The following GNAS variants were observed in gnomAD, a reference collection of about 807,000 sequenced individuals.
The protein encoded by GNAS is protein ALEX.
A neutral mutation model predicts 54.5 loss-of-function variants in GNAS; 8 were observed. The observed-to-expected ratio is 0.15, with a 90% CI of 0.09 to 0.26. GNAS has a LOEUF of 0.26. Among genes scored for constraint, GNAS ranks in the 10% least tolerant of loss-of-function variants. The pLI is 1.00. For synonymous variants in GNAS, 204 were observed against 191.4 expected (o/e 1.07, Z -0.54); for missense variants, 170 against 529.8 (o/e 0.32, Z 6.67).
At chr20:58,883,453 T>C (rs974263807) in intron 1 of GNAS, among the ~76,000 whole-genome samples, 1 of 152,096 alleles carries the variant, frequency 6.6e-6, no homozygotes, top group Non-Finnish European at 1.5e-5. Context: ...TGGCTGTGGG[T>C]AGAGCTGAGG....
chr20:58,878,892 G>A (rs1017701603), intron 1 of GNAS, among the ~76,000 whole-genome samples: 13 of 144,628 alleles, frequency 9.0e-5, no homozygotes, highest in Non-Finnish European at 1.8e-4. Context: ...CAGAGGCAGC[G>A]GTGGTGGTGG....
At chr20:58,897,049 G>A (rs777361988) in intron 2 of GNAS, among the ~76,000 whole-genome samples, 1 of 152,304 alleles carries the variant, frequency 6.6e-6, no homozygotes, top group African/African-American at 2.4e-5. Context: ...TCACCCATAC[G>A]AATAGTCCTG....
intron 1 of GNAS, 129 bp downstream of exon 1, chr20:58,891,994 T>C (rs1421367986): frequency 1.9e-5 from 14 of 745,398 alleles, no homozygotes; most frequent in Non-Finnish European, 2.3e-5. Flanking sequence ...TCGCGGGCTC[T>C]GTCTGTGGGG....
At chr20:58,885,182 G>A (rs2088507989) in intron 1 of GNAS, among the ~76,000 whole-genome samples, 1 of 152,218 alleles carries the variant, frequency 6.6e-6, no homozygotes, top group Non-Finnish European at 1.5e-5. Context: ...GGTGAGAAAG[G>A]CACTGATGGC....
intron 1 of GNAS, among the ~76,000 whole-genome samples, chr20:58,872,383 T>G (rs1025706350): frequency 3.9e-5 from 6 of 152,098 alleles, no homozygotes; most frequent in African/African-American, 1.4e-4. Context: ...AATTTGATAA[T>G]TATCCAGAAC....
intron 6 of GNAS, among the ~76,000 whole-genome samples, chr20:58,906,224 C>T (rs1473246024): frequency 6.6e-6 from 1 of 152,220 alleles, no homozygotes; most frequent in East Asian, 1.9e-4. Flanking sequence ...AAGCATCTTT[C>T]TCCAAAGTCA....
chr20:58,911,027 A>G lies in GNAS; in HGVS notation c.*198A>G, dbSNP rs914624783. On this transcript the variant is annotated 3_prime_UTR_variant, in exon 13 of 13. Coordinates refer to ENST00000371085, the MANE Select transcript of GNAS (RefSeq NM_000516.7). ...AAATTTAGAAAGCTTAAGGCGGCCTACAGAAAAAGGAAAAAAGGCCACAAA... is the reference window on the plus strand; with the variant it reads ...AAATTTAGAAAGCTTAAGGCGGCCTGCAGAAAAAGGAAAAAAGGCCACAAA... 2.9e-6 allele frequency: 2 copies of G among 696,018 alleles called. No individual in the cohort carries two copies. Among genetic ancestry groups the G allele is most frequent in the Non-Finnish European group, 5.2e-6 (2 of 385,372 alleles). The allele number at this position is 696,018 out of a possible 1,614,324, so 43.1% of individuals were successfully genotyped here.
intron 2 of GNAS, chr20:58,898,036 T>C (rs1425146065): frequency 1.3e-5 from 2 of 152,346 alleles, no homozygotes; most frequent in East Asian, 3.9e-4. Flanking sequence ...AAGATAATAC[T>C]GATTTGACCT....
At chr20:58,888,676 G>C (rs566772011), upstream of GNAS, 1 of 152,286 alleles carries the variant, frequency 6.6e-6, no homozygotes, top group Non-Finnish European at 1.5e-5. Context: ...GCTTCGAGCA[G>C]GGGAGGCTTT....
chr20:58,853,830 CCAGGTGCTG>C lies in GNAS; in HGVS notation c.43+12949_43+12957del. Reference sequence around the variant, plus strand: ...GGTCCCAGACCTTGCTCCAGGAGGCCCAGGTGCTGCAGGGGTCCCCGGAGCTCCTCCCGA... The same window carrying C: ...GGTCCCAGACCTTGCTCCAGGAGGCCCAGGGGTCCCCGGAGCTCCTCCCGA... On this transcript the variant is annotated intron_variant, in intron 1 of 12. Transcript: ENST00000306090. This position sits in a 1 kb window ranked among gnomAD's most constrained non-coding sequence, Gnocchi z 4.4. The C allele has an allele frequency of 2.5e-6, 4 of 1,599,306 alleles. No homozygotes were observed. Among genetic ancestry groups the C allele is most frequent in the Non-Finnish European group, 3.4e-6 (4 of 1,173,426 alleles).
At chr20:58,864,932 C>CAT (rs1410989881) in intron 1 of GNAS, among the ~76,000 whole-genome samples, 31 of 149,508 alleles carry the variant, frequency 2.1e-4, no homozygotes, top group African/African-American at 7.2e-4. Flanking sequence ...CTACCAGACA[C>CAT]ACACACACAC....
At chr20:58,890,267 GGCC>G (rs886324188), upstream of GNAS, among the ~76,000 whole-genome samples, 2 of 150,310 alleles carry the variant, frequency 1.3e-5, no homozygotes, top group South Asian at 2.1e-4. Flanking sequence ...CCGCCGCCGC[GGCC>G]GCCGCCGACG....
intron 1 of GNAS, among the ~76,000 whole-genome samples, chr20:58,882,338 G>A (rs1258476277): frequency 6.6e-6 from 1 of 152,224 alleles, no homozygotes; most frequent in East Asian, 1.9e-4. Context: ...GTGAGCCACC[G>A]CGCCCGGCCT....
chr20:58,887,859 G>C (rs981155658), upstream of GNAS, among the ~76,000 whole-genome samples: 1 of 152,184 alleles, frequency 6.6e-6, no homozygotes, highest in Non-Finnish European at 1.5e-5. Flanking sequence ...GGGGGCAGCA[G>C]TGTACCTGAA....
chr20:58,851,757 G>A (rs1452271391), intron 1 of GNAS, among the ~76,000 whole-genome samples: 2 of 152,218 alleles, frequency 1.3e-5, no homozygotes, highest in South Asian at 4.1e-4. Flanking sequence ...GCCTCAGTGG[G>A]CTCTAGCAGT....
chr20:58,846,944 CCTCT>C (rs2145510659), intron 1 of GNAS, among the ~76,000 whole-genome samples: 1 of 152,288 alleles, frequency 6.6e-6, no homozygotes, highest in South Asian at 2.1e-4. Context: ...CCCACTTTTG[CCTCT>C]CTCTTAGTTG....
rs2085726687 is a variant in GNAS, at chr20:58,841,502, C to T, written c.43+616C>T. The T allele has an allele frequency of 1.1e-5, 11 of 991,050 alleles. No individual in the cohort carries two copies. Among genetic ancestry groups the T allele is most frequent in the African/African-American group, 1.7e-5 (1 of 57,424 alleles). 61.4% of individuals were successfully genotyped at this position (991,050 alleles called of 1,614,324 possible). On this transcript the variant is annotated intron_variant, in intron 1 of 12. Coordinates refer to the GNAS transcript ENST00000306090. This position sits in a 1 kb window ranked among gnomAD's most constrained non-coding sequence, Gnocchi z 5.0. ...CAGGTCCCAGAGCTGACAATTAAGC[C>T]GCGGGACCTCCGCGCCAGTGCCTCC...
chr20:58,864,485 T>G (rs1459099504), intron 1 of GNAS, among the ~76,000 whole-genome samples: 2 of 152,134 alleles, frequency 1.3e-5, no homozygotes, highest in African/African-American at 4.8e-5. Context: ...GGGGGTTCCT[T>G]TTGCCCACTG....
At chr20:58,889,715 G>A (rs2088941138), upstream of GNAS, among the ~76,000 whole-genome samples, 1 of 151,228 alleles carries the variant, frequency 6.6e-6, no homozygotes, top group Non-Finnish European at 1.5e-5. Flanking sequence ...CAGCCCAGCA[G>A]CCCGAAGCCC....
Sources: allele counts gnomAD v4.1 joint callset (sites outside exome capture counted in the v4.1 genomes callset), GRCh38; gene constraint gnomAD v4.1.1; non-coding constraint Gnocchi (gnomAD v3.1); transcripts MANE v1.5; gene names NCBI Gene and HGNC (gene_info 2026-07-23, HGNC 2026-07-21).